The following SEMA6D variants were observed in gnomAD, a reference collection of about 807,000 sequenced individuals.
SEMA6D encodes the protein semaphorin-6D.
SEMA6D carries 35 observed loss-of-function variants against 106.6 expected under a neutral mutation model. That is an observed-to-expected ratio of 0.33 (90% CI 0.25 to 0.44). The LOEUF is 0.44. Among genes scored for constraint, SEMA6D ranks in the 20% least tolerant of loss-of-function variants. The probability of loss-of-function intolerance (pLI) is 1.00; values close to 1 mark genes in which losing one functional copy is unlikely to be tolerated. For synonymous variants in SEMA6D, 499 were observed against 487.7 expected, an observed-to-expected ratio of 1.02 and a Z score of -0.31; for missense variants, 1,185 against 1,345.9, an observed-to-expected ratio of 0.88 and a Z score of 1.87.
chr15:47,341,790 C>G (rs762447162), intron 1 of SEMA6D, among the ~76,000 whole-genome samples: 2 of 152,144 alleles, frequency 1.3e-5, no homozygotes, highest in Non-Finnish European at 2.9e-5. Flanking sequence ...TCAGAGGGCA[C>G]TGCTTTCAGA....
chr15:47,191,850 C>G (rs58602893), intron 1 of SEMA6D, among the ~76,000 whole-genome samples: 8,916 of 152,134 alleles, frequency 0.059, 307 homozygotes, highest in East Asian at 0.11. Flanking sequence ...ATAGTAGTCT[C>G]TGTTATAGAG....
intron 4 of SEMA6D, among the ~76,000 whole-genome samples, chr15:47,697,506 A>G (rs920987934): frequency 6.6e-6 from 1 of 152,116 alleles, no homozygotes; most frequent in African/African-American, 2.4e-5. Flanking sequence ...TTGGTTGAAT[A>G]TTGACTAGTA....
intron 1 of SEMA6D, among the ~76,000 whole-genome samples, chr15:47,225,469 AT>A (rs1281404475): frequency 7.5e-6 from 1 of 132,648 alleles, no homozygotes; most frequent in Non-Finnish European, 1.6e-5. Context: ...TGAGGTGTCT[AT>A]TGAGGTCTTT....
chr15:47,757,120 G>C (rs770037196), intron 1 of SEMA6D, among the ~76,000 whole-genome samples: 1 of 152,054 alleles, frequency 6.6e-6, no homozygotes, highest in African/African-American at 2.4e-5. Flanking sequence ...CCAGTGCTGG[G>C]ATCACAGCTG....
intron 1 of SEMA6D, among the ~76,000 whole-genome samples, chr15:47,187,405 A>G (rs1893656876): frequency 6.6e-6 from 1 of 152,198 alleles, no homozygotes; most frequent in Non-Finnish European, 1.5e-5. Flanking sequence ...TTATTATTAA[A>G]ACATTGAAAT....
chr15:47,435,585 T>C (rs1051449571), intron 2 of SEMA6D, among the ~76,000 whole-genome samples: 3 of 152,080 alleles, frequency 2.0e-5, no homozygotes, highest in African/African-American at 7.2e-5. Context: ...CTTGAAATGC[T>C]CCAGCTCAGT....
At position 47,667,060 on chromosome 15, in the gene SEMA6D, G is replaced by A. The variant is rs1411199350; in HGVS notation, c.-55+66164G>A. ...GAAGCCTCCAGAAGATTCCAGCAGC[G>A]AGCCAACCCATTCCGTCAGCCTCCA... On this transcript the variant is annotated intron_variant, in intron 4 of 19. Coordinates refer to the SEMA6D transcript ENST00000558014. 7.2e-5 allele frequency among the ~76,000 whole-genome samples: 11 copies of A among 152,202 alleles called. No homozygotes were observed. In the East Asian group the frequency reaches 1.2e-3, roughly 16 times the overall value.
chr15:47,461,806 A>G (rs1160309192), intron 2 of SEMA6D, among the ~76,000 whole-genome samples: 2 of 151,990 alleles, frequency 1.3e-5, no homozygotes, highest in Admixed American at 6.6e-5. Context: ...TAAGATTAGA[A>G]CTTGAAGGGC....
At position 47,332,189 on chromosome 15, in the gene SEMA6D, A is replaced by T. The variant is rs147787063; in HGVS notation, c.-238-80204A>T. 7.9e-5 allele frequency among the ~76,000 whole-genome samples: 12 copies of T among 152,324 alleles called. No homozygotes were observed. In the East Asian group the frequency reaches 1.7e-3, roughly 22 times the overall value. ...ACTTTTCCTTAACTAATAGCACTAC[A>T]GCATGCGGCAGTGCCAACAAACACT... On this transcript the variant is annotated intron_variant, in intron 1 of 19. Coordinates refer to the SEMA6D transcript ENST00000558014.
At chr15:47,460,876 C>T (rs74622309) in intron 2 of SEMA6D, among the ~76,000 whole-genome samples, 1 of 152,142 alleles carries the variant, frequency 6.6e-6, no homozygotes, top group East Asian at 1.9e-4. Context: ...GAAATTAACT[C>T]AACTAACTAT....
chr15:47,550,711 A>C (rs2045660161), intron 3 of SEMA6D, among the ~76,000 whole-genome samples: 1 of 152,136 alleles, frequency 6.6e-6, no homozygotes, highest in Admixed American at 6.6e-5. Context: ...TCCTTTTTCC[A>C]AGCTCAAGTA....
intron 4 of SEMA6D, among the ~76,000 whole-genome samples, chr15:47,630,195 C>G (rs1357818122): frequency 6.6e-6 from 1 of 151,864 alleles, no homozygotes; most frequent in Non-Finnish European, 1.5e-5. Context: ...TCCTTTTTCT[C>G]TGTATCCTTG....
At chr15:47,761,913 G>A (rs759374893) in intron 7 of SEMA6D, among the ~76,000 whole-genome samples, 162 bp downstream of exon 7, 6 of 152,150 alleles carry the variant, frequency 3.9e-5, no homozygotes, top group Non-Finnish European at 8.8e-5. Context: ...AAGAAATTAA[G>A]GGCAAGGATA....
intron 1 of SEMA6D, among the ~76,000 whole-genome samples, chr15:47,266,912 C>G (rs980388999): frequency 1.3e-5 from 2 of 152,086 alleles, no homozygotes; most frequent in Non-Finnish European, 2.9e-5. Context: ...CTCATTTTCT[C>G]TATGCACTTA....
At chr15:47,558,642 A>G (rs972778156) in intron 3 of SEMA6D, among the ~76,000 whole-genome samples, 3 of 152,106 alleles carry the variant, frequency 2.0e-5, no homozygotes, top group Non-Finnish European at 2.9e-5. Flanking sequence ...CATTTACTCT[A>G]TCATATTCAA....
intron 3 of SEMA6D, among the ~76,000 whole-genome samples, chr15:47,547,680 C>T (rs2045565097): frequency 6.6e-6 from 1 of 152,072 alleles, no homozygotes; most frequent in Non-Finnish European, 1.5e-5. Flanking sequence ...CTCATAGAAT[C>T]TTAGTTTGAA....
chr15:47,757,140 C>T (rs888506223), intron 1 of SEMA6D, among the ~76,000 whole-genome samples: 1 of 152,172 alleles, frequency 6.6e-6, no homozygotes, highest in Non-Finnish European at 1.5e-5. Context: ...GAGAGACACT[C>T]TTCCTGGTGA....
rs28400268 is a variant in SEMA6D at position 47,228,161 on chromosome 15, C to T, written c.-239+43743C>T. Among the ~76,000 whole-genome samples, 21 of 92,286 alleles carry T rather than the reference C, an allele frequency of 2.3e-4. 1 individual carries two copies. The highest frequency in any genetic ancestry group is 9.6e-4 in the Admixed American group (9 of 9,360). 60.5% of individuals were successfully genotyped at this position (92,286 alleles called of 152,430 possible). A position where few individuals can be genotyped will look rare whatever the true frequency, so the allele number is the denominator to read the frequency against. ...GTACACACACACACACACACACACA[C>T]ACATATATATATAACCTTTTGTTAC... On this transcript the variant is annotated intron_variant, in intron 1 of 19. Transcript: ENST00000558014.
intron 1 of SEMA6D, among the ~76,000 whole-genome samples, chr15:47,250,402 G>C (rs1385999221): frequency 4.6e-5 from 7 of 151,378 alleles, no homozygotes; most frequent in African/African-American, 1.7e-4. Context: ...GAAAGAGAAA[G>C]AAAGAGAGAA....
Sources: gnomAD v4.1 joint callset for allele counts (sites outside exome capture counted in the v4.1 genomes callset) on GRCh38, gnomAD v4.1.1 for gene constraint, MANE v1.5 for transcripts, NCBI Gene and HGNC (gene_info 2026-07-23, HGNC 2026-07-21) for gene names.